HCN1: variants seen among roughly 807,000 people sequenced by gnomAD.
HCN1 encodes the protein potassium/sodium hyperpolarization-activated cyclic nucleotide-gated channel 1.
A neutral mutation model predicts 78.9 loss-of-function variants in HCN1; 13 were observed. That is an observed-to-expected ratio of 0.16 (90% CI 0.11 to 0.26). The LOEUF is 0.26. Ranked by LOEUF, HCN1 falls within the 10% of genes least tolerant of loss-of-function variation. The probability of loss-of-function intolerance (pLI) is 1.00; values close to 1 mark genes in which losing one functional copy is unlikely to be tolerated. For synonymous variants in HCN1, 552 were observed against 455.5 expected (o/e 1.21, Z -2.70); for missense variants, 810 against 1,154.3 (o/e 0.70, Z 4.32).
intron 2 of HCN1, among the ~76,000 whole-genome samples, chr5:45,493,270 C>T (rs1449166940): frequency 6.6e-6 from 1 of 151,726 alleles, no homozygotes; most frequent in African/African-American, 2.4e-5. Context: ...AAAACACAAA[C>T]ATATATATAA....
At chr5:45,492,514 T>C (rs1447777438) in intron 2 of HCN1, among the ~76,000 whole-genome samples, 1 of 114,212 alleles carries the variant, frequency 8.8e-6, no homozygotes, top group Non-Finnish European at 1.7e-5. Context: ...AGCAACAGTT[T>C]TTTTGTTTTT....
intron 3 of HCN1, among the ~76,000 whole-genome samples, chr5:45,416,703 C>G (rs1275170691): frequency 6.6e-6 from 1 of 151,884 alleles, no homozygotes; most frequent in East Asian, 1.9e-4. Flanking sequence ...GAAAGCAGAA[C>G]AACTTTTTCA....
intron 3 of HCN1, among the ~76,000 whole-genome samples, chr5:45,405,469 C>T (rs1739901772): frequency 6.6e-6 from 1 of 152,106 alleles, no homozygotes; most frequent in Admixed American, 6.6e-5. Flanking sequence ...AGTACATTGG[C>T]ACAACTATAG....
chr5:45,350,430 C>A (rs1326793778), intron 5 of HCN1, among the ~76,000 whole-genome samples: 3 of 152,186 alleles, frequency 2.0e-5, no homozygotes, highest in Middle Eastern at 3.4e-3. Context: ...ACTGAGTGGG[C>A]AAAAACTGGA....
At chr5:45,389,209 T>C (rs548174183) in intron 4 of HCN1, among the ~76,000 whole-genome samples, 49 of 152,268 alleles carry the variant, frequency 3.2e-4, no homozygotes, top group African/African-American at 1.1e-3. Context: ...TTTCTATCTG[T>C]CTGTTCATGA....
chr5:45,303,875 A>G (rs545471170), intron 5 of HCN1, 36 bp from the exon 6 acceptor site: 1 of 1,561,372 alleles, frequency 6.4e-7, no homozygotes, highest in East Asian at 2.2e-5. Flanking sequence ...ATTAAGAGAG[A>G]TATTAATCAT....
chr5:45,604,892 G>C (rs1211354752), intron 2 of HCN1, among the ~76,000 whole-genome samples: 1 of 152,000 alleles, frequency 6.6e-6, no homozygotes, highest in African/African-American at 2.4e-5. Context: ...ATTTACTTTA[G>C]TTAAAATTTA....
rs533273803 is a variant in HCN1, at chr5:45,692,842, G to A, written c.425+2827C>T. Among the ~76,000 whole-genome samples, 22 of 152,242 alleles carry A rather than the reference G, an allele frequency of 1.4e-4. 1 individual carries two copies. Among genetic ancestry groups the A allele is most frequent in the South Asian group, 6.2e-4 (3 of 4,818 alleles). ...AAACTAGAAACAGTGTTAAAGTCAC[G>A]ACATGCCCTGGAGTAAGAACATAGT... On this transcript the variant is annotated intron_variant, in intron 1 of 7. Coordinates refer to ENST00000303230, the MANE Select transcript of HCN1 (RefSeq NM_021072.4).
chr5:45,286,181 A>C (rs953180979), intron 6 of HCN1, among the ~76,000 whole-genome samples: 5 of 151,964 alleles, frequency 3.3e-5, no homozygotes, highest in Non-Finnish European at 5.9e-5. Flanking sequence ...TAATGATAAT[A>C]ATGTTATCTT....
At chr5:45,491,424 A>G (rs1315859593) in intron 2 of HCN1, among the ~76,000 whole-genome samples, 1 of 152,144 alleles carries the variant, frequency 6.6e-6, no homozygotes, top group East Asian at 1.9e-4. Flanking sequence ...ATTAAAAAAA[A>G]CAAATTTGAA....
chr5:45,530,841 T>C (rs1728679454), intron 2 of HCN1, among the ~76,000 whole-genome samples: 1 of 152,122 alleles, frequency 6.6e-6, no homozygotes, highest in Admixed American at 6.5e-5. Flanking sequence ...TGGACAAATT[T>C]CCATATCTTT....
At chr5:45,442,976 T>A (rs777902726) in intron 3 of HCN1, among the ~76,000 whole-genome samples, 6 of 152,098 alleles carry the variant, frequency 3.9e-5, no homozygotes, top group Non-Finnish European at 8.8e-5. Context: ...CCTAACTTTT[T>A]CTATATCCAG....
chr5:45,303,141 G>C (rs143328647), intron 6 of HCN1, among the ~76,000 whole-genome samples: 2 of 152,092 alleles, frequency 1.3e-5, no homozygotes, highest in African/African-American at 4.8e-5. Flanking sequence ...TATGTGAATA[G>C]CAATGATTTT....
rs190978669 is a variant in HCN1, at chr5:45,335,521, G to T, written c.1377+17579C>A. On this transcript the variant is annotated intron_variant, in intron 5 of 7. Coordinates refer to ENST00000303230, the MANE Select transcript of HCN1 (RefSeq NM_021072.4). ...GTTTGAATACATTCCAAAAGAAATG[G>T]GGCATATGATATTGCTGGGTTTGGT... Among the ~76,000 whole-genome samples the T allele has an allele frequency of 2.6e-5, 4 of 152,068 alleles. No homozygotes were observed. In the East Asian group the frequency reaches 7.8e-4, roughly 30 times the overall value.
chr5:45,372,068 T>C (rs1305894831), intron 4 of HCN1, among the ~76,000 whole-genome samples: 3 of 51,388 alleles, frequency 5.8e-5, no homozygotes, highest in Non-Finnish European at 8.7e-5. Context: ...AATTATATTA[T>C]ATATTATATA....
chr5:45,523,829 T>C (rs940867321), intron 2 of HCN1, among the ~76,000 whole-genome samples: 6 of 152,168 alleles, frequency 3.9e-5, no homozygotes, highest in African/African-American at 9.7e-5. Flanking sequence ...ACTCTGATAG[T>C]AGTTTCTTTT....
chr5:45,293,331 C>T (rs760490835), intron 6 of HCN1, among the ~76,000 whole-genome samples: 7 of 151,800 alleles, frequency 4.6e-5, no homozygotes, highest in South Asian at 2.1e-4. Context: ...TTTTGATTTG[C>T]CTTTCTTTAA....
chr5:45,584,690 G>A (rs1744167936), intron 2 of HCN1, among the ~76,000 whole-genome samples: 3 of 152,094 alleles, frequency 2.0e-5, no homozygotes, highest in Admixed American at 6.6e-5. Context: ...TCCATGTTTA[G>A]TGCTTCCTTC....
At chr5:45,629,842 T>C (rs1178017357) in intron 2 of HCN1, among the ~76,000 whole-genome samples, 1 of 152,232 alleles carries the variant, frequency 6.6e-6, no homozygotes, top group Non-Finnish European at 1.5e-5. Flanking sequence ...TATGCTAATA[T>C]TCATCCACAA....
Sources: gnomAD v4.1 joint callset for allele counts (sites outside exome capture counted in the v4.1 genomes callset) on GRCh38, gnomAD v4.1.1 for gene constraint, MANE v1.5 for transcripts, NCBI Gene and HGNC (gene_info 2026-07-23, HGNC 2026-07-21) for gene names.